CCDC28A: variants seen among roughly 807,000 people sequenced by gnomAD.
The protein encoded by CCDC28A is coiled-coil domain containing 28A, also known as coiled-coil domain-containing protein 28A.
CCDC28A carries 24 observed loss-of-function variants against 22.1 expected under a neutral mutation model. That is an observed-to-expected ratio of 1.09 (90% CI 0.79 to 1.53). The LOEUF is 1.53. Ranked by LOEUF, CCDC28A falls within the 40% of genes most tolerant of loss-of-function variation. The pLI is 0.00. For synonymous variants in CCDC28A, 83 were observed against 74.7 expected, an observed-to-expected ratio of 1.11 and a Z score of -0.57; for missense variants, 170 against 210.7, an observed-to-expected ratio of 0.81 and a Z score of 1.20.
intron 5 of CCDC28A, among the ~76,000 whole-genome samples, chr6:138,789,024 G>A (rs747720241): frequency 3.3e-5 from 5 of 152,008 alleles, no homozygotes; most frequent in African/African-American, 9.7e-5. Context: ...TGCAGGCTTC[G>A]AGGGATGCTT....
At chr6:138,787,588 A>G (rs1048366081) in intron 4 of CCDC28A, among the ~76,000 whole-genome samples, 3 of 151,734 alleles carry the variant, frequency 2.0e-5, no homozygotes, top group Non-Finnish European at 4.4e-5. Context: ...TAAAATGGCA[A>G]TTTTTTTTCT....
chr6:138,774,415 C>G (rs1774894141), intron 1 of CCDC28A, among the ~76,000 whole-genome samples: 1 of 152,210 alleles, frequency 6.6e-6, no homozygotes, highest in Non-Finnish European at 1.5e-5. Flanking sequence ...ATTCAGTCAT[C>G]TTTCAAACTC....
At chr6:138,781,906 C>G (rs1268308179) in intron 3 of CCDC28A, among the ~76,000 whole-genome samples, 2 of 152,172 alleles carry the variant, frequency 1.3e-5, no homozygotes, top group Non-Finnish European at 2.9e-5. Context: ...TGTATCTTTT[C>G]TTTCAATAGT....
intron 3 of CCDC28A, among the ~76,000 whole-genome samples, chr6:138,781,255 T>C (rs1046058141): frequency 2.0e-5 from 3 of 152,270 alleles, no homozygotes; most frequent in African/African-American, 7.2e-5. Flanking sequence ...CATTCTTTTT[T>C]AATGGCAACA....
intron 5 of CCDC28A, among the ~76,000 whole-genome samples, chr6:138,789,944 C>T (rs1775146121): frequency 6.6e-6 from 1 of 152,020 alleles, no homozygotes; most frequent in Non-Finnish European, 1.5e-5. Context: ...GTGTTATGCC[C>T]CCCATTTTGC....
rs527764168 is a variant in CCDC28A at position 138,786,325 on chromosome 6, A to T, written c.477+944A>T. On this transcript the variant is annotated intron_variant, in intron 4 of 5. Coordinates refer to ENST00000617445, the MANE Select transcript of CCDC28A (RefSeq NM_015439.3). ...CTAAGACATGAATTTTGGAGGGTAC[A>T]CTGTTTAGCACATAACACAAAGTAT... Among the ~76,000 whole-genome samples, 20 of 152,324 alleles carry T rather than the reference A, an allele frequency of 1.3e-4. 1 individual carries two copies. Among genetic ancestry groups the T allele is most frequent in the Middle Eastern group, 3.4e-3 (1 of 294 alleles).
intron 2 of CCDC28A, 151 bp downstream of exon 2, chr6:138,776,429 G>C: frequency 3.1e-6 from 2 of 638,212 alleles, no homozygotes; most frequent in Non-Finnish European, 5.4e-6. Context: ...ATTTATGAAA[G>C]TTACGGTGTA....
rs550592378 is a variant in CCDC28A, at chr6:138,775,930, A to G, written c.-42-149A>G. On this transcript the variant is annotated intron_variant, in intron 1 of 5. Coordinates refer to ENST00000617445, the MANE Select transcript of CCDC28A (RefSeq NM_015439.3). ...GGGGCTTATGGGTACATAGTAGAGT[A>G]CATTAAACTTAAGAGACCCATTTTC... is the stretch of plus-strand genomic sequence containing the variant. The G allele has an allele frequency of 1.3e-4, 85 of 642,866 alleles. No homozygotes were observed. In the African/African-American group the frequency reaches 1.4e-3, roughly 11 times the overall value. 39.8% of individuals were successfully genotyped at this position (642,866 alleles called of 1,614,324 possible).
At chr6:138,783,984 C>T (rs72985055) in intron 3 of CCDC28A, among the ~76,000 whole-genome samples, 4,534 of 149,354 alleles carry the variant, frequency 0.03, 111 homozygotes, top group Non-Finnish European at 0.041. Flanking sequence ...CTTATATGAT[C>T]CTCCCACCTC....
intron 3 of CCDC28A, among the ~76,000 whole-genome samples, chr6:138,782,816 A>G (rs1381185517): frequency 3.9e-5 from 6 of 152,222 alleles, no homozygotes; most frequent in African/African-American, 1.2e-4. Flanking sequence ...TCCATTTATG[A>G]AGATGTTATA....
intron 5 of CCDC28A, among the ~76,000 whole-genome samples, chr6:138,789,399 T>C (rs752614115): frequency 2.9e-4 from 44 of 152,240 alleles, no homozygotes; most frequent in Non-Finnish European, 3.7e-4. Context: ...GTGTTCTCTG[T>C]AATACAGGGT....
intron 1 of CCDC28A, among the ~76,000 whole-genome samples, 158 bp from the exon 2 acceptor site, chr6:138,775,921 T>C (rs942132195): frequency 1.3e-5 from 2 of 152,220 alleles, no homozygotes; most frequent in African/African-American, 4.8e-5. Context: ...TATGGGTACA[T>C]AGTAGAGTAC....
chr6:138,777,112 T>A (rs1774945930), intron 2 of CCDC28A, among the ~76,000 whole-genome samples: 1 of 152,238 alleles, frequency 6.6e-6, no homozygotes, highest in Admixed American at 6.5e-5. Flanking sequence ...AAAAGTGTTG[T>A]ATAATGTCAA....
rs1775193783 is a variant in CCDC28A, at chr6:138,792,880, A to G, written c.*77A>G. 8.9e-6 allele frequency: 8 copies of G among 901,256 alleles called. No individual in the cohort carries two copies. In the South Asian group the frequency reaches 1.1e-4, roughly 13 times the overall value. 55.8% of individuals were successfully genotyped at this position (901,256 alleles called of 1,614,324 possible). A position where few individuals can be genotyped will look rare whatever the true frequency, so the allele number is the denominator to read the frequency against. On this transcript the variant is annotated 3_prime_UTR_variant, in exon 6 of 6. Transcript: ENST00000617445. Reference sequence around the variant, plus strand: ...CTTTTCCAGCCAAATCCAGTAGCAGAATCATCTTCCACAACAAGGAATTAA... The same window carrying G: ...CTTTTCCAGCCAAATCCAGTAGCAGGATCATCTTCCACAACAAGGAATTAA...
chr6:138,788,073 CACCTCAGCCTCCT>C (rs1775119113), intron 4 of CCDC28A, among the ~76,000 whole-genome samples: 1 of 151,096 alleles, frequency 6.6e-6, no homozygotes, highest in Admixed American at 6.6e-5. Flanking sequence ...ACAATCCTCC[CACCTCAGCCTCCT>C]AAGTAGCTGG....
chr6:138,773,827 G>A lies in CCDC28A; in HGVS notation c.-118G>A. 1 of 1,614,134 alleles carries A rather than the reference G, an allele frequency of 6.2e-7. No homozygotes were observed. The highest frequency in any genetic ancestry group is 8.5e-7 in the Non-Finnish European group (1 of 1,180,018). On this transcript the variant is annotated 5_prime_UTR_variant, in exon 1 of 6. Coordinates refer to ENST00000617445, the MANE Select transcript of CCDC28A (RefSeq NM_015439.3). ...GGGATGTGACCGGGGCTCTGCTTGT[G>A]GCTGCGGCGGTGGCTTCTGAGGCTG...
intron 3 of CCDC28A, among the ~76,000 whole-genome samples, 168 bp from the exon 4 acceptor site, chr6:138,785,058 TG>T (rs1775071350): frequency 6.6e-6 from 1 of 152,220 alleles, no homozygotes; most frequent in African/African-American, 2.4e-5. Flanking sequence ...ATTGTTTTCC[TG>T]GTCAGAAATT....
At chr6:138,791,216 T>G (rs1233117887) in intron 5 of CCDC28A, among the ~76,000 whole-genome samples, 2 of 152,008 alleles carry the variant, frequency 1.3e-5, no homozygotes, top group African/African-American at 2.4e-5. Context: ...CCTGAGTAGC[T>G]GGGACTACAG....
chr6:138,779,083 A>G (rs1264438192), intron 2 of CCDC28A, among the ~76,000 whole-genome samples: 2 of 152,126 alleles, frequency 1.3e-5, no homozygotes, highest in African/African-American at 4.8e-5. Context: ...AAGCATTTTT[A>G]ATTAAGCAAA....
Sources: gnomAD v4.1 joint callset for allele counts (sites outside exome capture counted in the v4.1 genomes callset) on GRCh38, gnomAD v4.1.1 for gene constraint, MANE v1.5 for transcripts, NCBI Gene and HGNC (gene_info 2026-07-23, HGNC 2026-07-21) for gene names.